Variants in SORL1 observed in about 807,000 individuals in gnomAD.
SORL1 encodes the protein sortilin-related receptor.
A neutral mutation model predicts 273.7 loss-of-function variants in SORL1; 127 were observed. The observed-to-expected ratio is 0.46, with a 90% confidence interval of 0.40 to 0.54. The LOEUF is 0.54. Ranked by LOEUF, SORL1 falls within the 20% of genes least tolerant of loss-of-function variation. The pLI is 0.00. For synonymous variants in SORL1, 1,031 were observed against 1,067.4 expected (o/e 0.97, Z 0.66); for missense variants, 2,494 against 2,846.1 (o/e 0.88, Z 2.81).
chr11:121,570,615 G>A (rs1773773262), intron 23 of SORL1, among the ~76,000 whole-genome samples: 2 of 152,158 alleles, frequency 1.3e-5, no homozygotes, highest in Non-Finnish European at 1.5e-5. Context: ...GACTTGGGGC[G>A]AGTAAACAGG....
At chr11:121,504,394 A>G (rs1188702217) in intron 6 of SORL1, among the ~76,000 whole-genome samples, 1 of 152,218 alleles carries the variant, frequency 6.6e-6, no homozygotes. Context: ...CCTGGGCGAC[A>G]GAGCGAGACT....
chr11:121,614,629 C>T, intron 40 of SORL1: 1 of 426,036 alleles, frequency 2.3e-6, no homozygotes, highest in East Asian at 5.0e-5. Flanking sequence ...GTTGTACCAA[C>T]TCCTATCCGC....
intron 6 of SORL1, among the ~76,000 whole-genome samples, chr11:121,505,129 A>T (rs939980825): frequency 6.6e-6 from 1 of 152,120 alleles, no homozygotes; most frequent in Non-Finnish European, 1.5e-5. Context: ...AGTTTTCTGG[A>T]TACTAATTCA....
Position 121,550,192 on chromosome 11 carries a change from T to C in SORL1, c.2180+104T>C, listed in dbSNP as rs1862487291. ...TTGCTCTACACTCGAAATTCTAGAA[T>C]TCCAAGTTAACAGCCTGCAAGTAGT... On this transcript the variant is annotated intron_variant, in intron 15 of 47. Transcript: ENST00000260197. This position sits in a 1 kb window ranked among gnomAD's most constrained non-coding sequence, Gnocchi z 5.3. The C allele has an allele frequency of 8.2e-7, 1 of 1,219,452 alleles. No individual in the cohort carries two copies. The highest frequency in any genetic ancestry group is 1.5e-5 in the African/African-American group (1 of 65,150). 75.5% of individuals were successfully genotyped at this position (1,219,452 alleles called of 1,614,324 possible).
intron 3 of SORL1, among the ~76,000 whole-genome samples, chr11:121,482,864 A>G (rs1181303289): frequency 6.6e-6 from 1 of 152,254 alleles, no homozygotes; most frequent in Non-Finnish European, 1.5e-5. Flanking sequence ...CGCGGCATCC[A>G]GTTCCAGTCC....
At chr11:121,600,326 T>A (rs954174496) in intron 32 of SORL1, among the ~76,000 whole-genome samples, 2 of 152,174 alleles carry the variant, frequency 1.3e-5, no homozygotes, top group Non-Finnish European at 2.9e-5. Flanking sequence ...AAAGTTCTCA[T>A]CAGGGAAGAA....
chr11:121,601,705 C>T (rs573358785), intron 32 of SORL1, among the ~76,000 whole-genome samples: 13 of 151,990 alleles, frequency 8.6e-5, no homozygotes, highest in Admixed American at 1.3e-4. Context: ...TGCACACTAC[C>T]GCACCCAGCT....
At chr11:121,484,290 C>T (rs547243860) in intron 3 of SORL1, among the ~76,000 whole-genome samples, 3 of 152,126 alleles carry the variant, frequency 2.0e-5, no homozygotes, top group Non-Finnish European at 4.4e-5. Flanking sequence ...CATGAAGTTG[C>T]TCAATCAAAC....
intron 22 of SORL1, among the ~76,000 whole-genome samples, chr11:121,567,814 C>G (rs1164018166): frequency 1.3e-5 from 2 of 152,244 alleles, no homozygotes; most frequent in Non-Finnish European, 2.9e-5. Flanking sequence ...TGAACCCCTG[C>G]AAGGGCACCT....
At chr11:121,540,156 C>T (rs143136271) in intron 12 of SORL1, among the ~76,000 whole-genome samples, 413 of 152,230 alleles carry the variant, frequency 2.7e-3, no homozygotes, top group African/African-American at 9.5e-3. Context: ...CTGAACTCAT[C>T]AGGAACTTTT....
chr11:121,521,626 A>G (rs974346515), intron 9 of SORL1, among the ~76,000 whole-genome samples: 4 of 152,202 alleles, frequency 2.6e-5, no homozygotes, highest in Non-Finnish European at 5.9e-5. Flanking sequence ...GAAACTCTTC[A>G]ATGAATAGAC....
At chr11:121,504,063 T>G (rs1313392403) in intron 6 of SORL1, among the ~76,000 whole-genome samples, 2 of 152,350 alleles carry the variant, frequency 1.3e-5, no homozygotes, top group East Asian at 3.9e-4. Context: ...TTTCTTTAAT[T>G]TCTTTCAACT....
chr11:121,579,661 A>G (rs184302911), intron 25 of SORL1, among the ~76,000 whole-genome samples: 1 of 152,324 alleles, frequency 6.6e-6, no homozygotes, highest in East Asian at 1.9e-4. Context: ...CTACAGTTCC[A>G]GTACTAAAAT....
At chr11:121,471,115 A>G (rs971435387) in intron 2 of SORL1, among the ~76,000 whole-genome samples, 2 of 152,072 alleles carry the variant, frequency 1.3e-5, no homozygotes, top group African/African-American at 4.8e-5. Flanking sequence ...ACATTCTCCC[A>G]TATCTTAATT....
intron 35 of SORL1, 51 bp from the exon 36 acceptor site, chr11:121,606,794 G>T: frequency 3.1e-6 from 4 of 1,275,128 alleles, no homozygotes; most frequent in Non-Finnish European, 4.5e-6. Context: ...AAATTCCTCT[G>T]GTTGGCTGCT....
chr11:121,549,478 T>C lies in SORL1; in HGVS notation c.2052-482T>C, dbSNP rs1010127018. 2.6e-5 allele frequency among the ~76,000 whole-genome samples: 4 copies of C among 152,238 alleles called. No homozygotes were observed. In the East Asian group the frequency reaches 7.7e-4, roughly 29 times the overall value. On this transcript the variant is annotated intron_variant, in intron 14 of 47. Transcript: ENST00000260197. The stretch of plus-strand genomic sequence containing the variant: ...CTGGGCTTAAACAATATGTCTGCCT[T>C]GGCCTCCCAAAGTGTTGGGATTACA...
At chr11:121,513,451 G>A (rs1174793243) in intron 7 of SORL1, among the ~76,000 whole-genome samples, 1 of 152,220 alleles carries the variant, frequency 6.6e-6, no homozygotes, top group Admixed American at 6.5e-5. Flanking sequence ...ATTGCTTGCA[G>A]GGGATGAATT....
At chr11:121,463,453 A>G (rs1454956400) in intron 1 of SORL1, among the ~76,000 whole-genome samples, 1 of 152,212 alleles carries the variant, frequency 6.6e-6, no homozygotes, top group African/African-American at 2.4e-5. Context: ...CCAAGGATCA[A>G]TCAGAAAGGG....
intron 33 of SORL1, 48 bp downstream of exon 33, chr11:121,604,372 C>T (rs1016742551): frequency 1.2e-6 from 2 of 1,600,560 alleles, no homozygotes; most frequent in African/African-American, 1.3e-5. Flanking sequence ...GGCTGGGAGG[C>T]TCGCTTACCC....
Sources: allele counts gnomAD v4.1 joint callset (sites outside exome capture counted in the v4.1 genomes callset), GRCh38; gene constraint gnomAD v4.1.1; non-coding constraint Gnocchi (gnomAD v3.1); transcripts MANE v1.5; gene names NCBI Gene and HGNC (gene_info 2026-07-23, HGNC 2026-07-21).